The following AK5 variants were observed in gnomAD, a reference collection of about 807,000 sequenced individuals.
AK5 encodes the protein adenylate kinase isoenzyme 5.
A neutral mutation model predicts 69.5 loss-of-function variants in AK5; 27 were observed. The observed-to-expected ratio is 0.39, with a 90% CI of 0.29 to 0.54. The LOEUF (loss-of-function observed/expected upper bound fraction) is 0.54. Among genes scored for constraint, AK5 ranks in the 20% least tolerant of loss-of-function variants. The pLI is 0.71. For synonymous variants in AK5, 260 were observed against 244.4 expected, an observed-to-expected ratio of 1.06 and a Z score of -0.60; for missense variants, 531 against 700.4, an observed-to-expected ratio of 0.76 and a Z score of 2.73.
At chr1:77,460,677 G>A (rs1410803069) in intron 8 of AK5, among the ~76,000 whole-genome samples, 1 of 151,980 alleles carries the variant, frequency 6.6e-6, no homozygotes, top group Admixed American at 6.6e-5. Context: ...AGTGAAATAA[G>A]CCAGGCACAG....
chr1:77,479,533 T>A (rs1655136341), intron 8 of AK5, among the ~76,000 whole-genome samples: 1 of 152,146 alleles, frequency 6.6e-6, no homozygotes, highest in South Asian at 2.1e-4. Context: ...GTTAGTGGGT[T>A]TGCTGCAGCT....
chr1:77,461,993 C>T (rs144756459), intron 8 of AK5, among the ~76,000 whole-genome samples: 105 of 152,172 alleles, frequency 6.9e-4, no homozygotes, highest in African/African-American at 2.3e-3. Context: ...TTTTATCTGT[C>T]AATTTAAAGT....
chr1:77,417,161 T>A (rs1487418120), intron 7 of AK5, among the ~76,000 whole-genome samples: 1 of 152,184 alleles, frequency 6.6e-6, no homozygotes, highest in Non-Finnish European at 1.5e-5. Context: ...TAGCCCTTCC[T>A]GTTTCTGGAA....
At chr1:77,351,129 C>T (rs146352757) in intron 6 of AK5, among the ~76,000 whole-genome samples, 9,057 of 152,246 alleles carry the variant, frequency 0.059, 442 homozygotes, top group East Asian at 0.2. Flanking sequence ...CGCGGTGGCT[C>T]ATGTCTGTAA....
At chr1:77,284,321 G>A (rs1417502396) in intron 1 of AK5, among the ~76,000 whole-genome samples, 1 of 152,130 alleles carries the variant, frequency 6.6e-6, no homozygotes, top group African/African-American at 2.4e-5. Context: ...AATGGATTTT[G>A]CCCACCACAA....
chr1:77,331,069 A>T (rs1448581755), intron 5 of AK5, among the ~76,000 whole-genome samples: 1 of 152,066 alleles, frequency 6.6e-6, no homozygotes, highest in African/African-American at 2.4e-5. Flanking sequence ...GCTAATATAC[A>T]AAAATATAAT....
In AK5 at chr1:77,558,705, A is replaced by C. The variant is rs765225263; in HGVS notation, c.*35A>C. Reference sequence around the variant, plus strand: ...TGCATGTTTGTTAGAATGGAAACAGAAAAACATTAAAAAGTTCATTCCTTA... The same window carrying C: ...TGCATGTTTGTTAGAATGGAAACAGCAAAACATTAAAAAGTTCATTCCTTA... On this transcript the variant is annotated 3_prime_UTR_variant, in exon 14 of 14. Coordinates refer to ENST00000354567, the MANE Select transcript of AK5 (RefSeq NM_174858.3). The C allele has an allele frequency of 2.1e-6, 3 of 1,400,256 alleles. No homozygotes were observed. Among genetic ancestry groups the C allele is most frequent in the Admixed American group, 1.8e-5 (1 of 56,622 alleles). The allele number at this position is 1,400,256 out of a possible 1,614,324, so 86.7% of individuals were successfully genotyped here. A position where few individuals can be genotyped will look rare whatever the true frequency, so the allele number is the denominator to read the frequency against.
intron 5 of AK5, among the ~76,000 whole-genome samples, chr1:77,306,815 T>G (rs1006414374): frequency 1.3e-5 from 2 of 152,132 alleles, no homozygotes; most frequent in African/African-American, 4.8e-5. Context: ...GATTTCTTCT[T>G]GATAAGTGGC....
At chr1:77,439,823 T>C (rs756074725) in intron 8 of AK5, among the ~76,000 whole-genome samples, 1 of 151,786 alleles carries the variant, frequency 6.6e-6, no homozygotes, top group Admixed American at 6.6e-5. Context: ...TATATGTATG[T>C]ATGTATATCT....
At chr1:77,382,654 A>G (rs1031781801) in intron 6 of AK5, among the ~76,000 whole-genome samples, 1 of 152,224 alleles carries the variant, frequency 6.6e-6, no homozygotes, top group African/African-American at 2.4e-5. Flanking sequence ...CCAGCCTAGA[A>G]CACATTTTTG....
chr1:77,442,644 A>G (rs1323537988), intron 8 of AK5, among the ~76,000 whole-genome samples: 2 of 152,142 alleles, frequency 1.3e-5, no homozygotes, highest in Non-Finnish European at 2.9e-5. Flanking sequence ...GATGTACTTC[A>G]GTGCCCTCCT....
intron 10 of AK5, among the ~76,000 whole-genome samples, chr1:77,505,931 G>C (rs1656999441): frequency 6.6e-6 from 1 of 151,708 alleles, no homozygotes; most frequent in Admixed American, 6.6e-5. Context: ...TAGAAAGGAG[G>C]AGGTAAATTT....
At position 77,293,937 on chromosome 1, in the gene AK5, G is replaced by C. The variant is rs748131063; in HGVS notation, c.392G>C (p.Arg131Pro). The change falls in exon 3 of 14, where the codon CGA becomes CCA. Residue 131 changes from arginine (R) to proline (P), a missense_variant. Arg to Pro is a moderately radical substitution (Grantham distance 103, BLOSUM62 -2). Coordinates refer to ENST00000354567, the MANE Select transcript of AK5 (RefSeq NM_174858.3). Reference sequence around the variant, plus strand: ...GAGGTTTTTGATCCTACCAGACCTCGACCAAAAATCATTCTTGTTATAGGT... The same window carrying C: ...GAGGTTTTTGATCCTACCAGACCTCCACCAAAAATCATTCTTGTTATAGGT... ...EYEVFDPTRP[R>P]PKIILVIGGP... The C allele has an allele frequency of 1.2e-5, 19 of 1,610,466 alleles. No individual in the cohort carries two copies. Among genetic ancestry groups the C allele is most frequent in the Non-Finnish European group, 1.5e-5 (18 of 1,178,846 alleles).
At chr1:77,457,203 G>A (rs908951388) in intron 8 of AK5, among the ~76,000 whole-genome samples, 3 of 152,174 alleles carry the variant, frequency 2.0e-5, no homozygotes, top group African/African-American at 7.2e-5. Context: ...CTGGTGTTCT[G>A]AAGTATCCCA....
intron 5 of AK5, among the ~76,000 whole-genome samples, chr1:77,335,104 A>G (rs763601548): frequency 2.6e-5 from 4 of 152,218 alleles, no homozygotes; most frequent in Non-Finnish European, 4.4e-5. Context: ...AGAATAGGGC[A>G]GTCAAAAGTA....
chr1:77,464,466 T>C (rs1340314791), intron 8 of AK5, among the ~76,000 whole-genome samples: 1 of 152,096 alleles, frequency 6.6e-6, no homozygotes, highest in Non-Finnish European at 1.5e-5. Context: ...GGAGAGGAGA[T>C]TGGTTCCAGT....
chr1:77,456,967 T>G (rs1396042350), intron 8 of AK5, among the ~76,000 whole-genome samples: 1 of 152,148 alleles, frequency 6.6e-6, no homozygotes, highest in Non-Finnish European at 1.5e-5. Context: ...CTAAAAGTCT[T>G]CCATTGCAAA....
chr1:77,462,858 T>G (rs1292979848), intron 8 of AK5, among the ~76,000 whole-genome samples: 3 of 152,220 alleles, frequency 2.0e-5, no homozygotes, highest in Non-Finnish European at 4.4e-5. Context: ...ACTTGAACCC[T>G]GCTTTACTGG....
chr1:77,501,212 G>T (rs1459350526), intron 10 of AK5, among the ~76,000 whole-genome samples: 1 of 152,242 alleles, frequency 6.6e-6, no homozygotes, highest in Non-Finnish European at 1.5e-5. Flanking sequence ...GGAACGGGAA[G>T]GAGATGGGCC....
Sources: gnomAD v4.1 joint callset for allele counts (sites outside exome capture counted in the v4.1 genomes callset) on GRCh38, gnomAD v4.1.1 for gene constraint, MANE v1.5 for transcripts, NCBI Gene and HGNC (gene_info 2026-07-23, HGNC 2026-07-21) for gene names.